The following ANKRD11 variants were observed in gnomAD, a reference collection of about 807,000 sequenced individuals.
ANKRD11 encodes ankyrin repeat domain 11, also known as ankyrin repeat domain-containing protein 11.
In ANKRD11, 17 loss-of-function variants were observed where a neutral mutation model predicts 195.7. That is an observed-to-expected ratio of 0.09 (90% CI 0.06 to 0.13). The LOEUF is 0.13. Ranked by LOEUF, ANKRD11 falls within the 10% of genes least tolerant of loss-of-function variation. The probability of loss-of-function intolerance (pLI) is 1.00; values close to 1 mark genes in which losing one functional copy is unlikely to be tolerated. For missense variants in ANKRD11, 3,735 were observed against 3,566.1 expected (o/e 1.05, Z -1.21); for synonymous variants, 1,953 against 1,528.1 (o/e 1.28, Z -6.49).
rs776941348 is a variant in ANKRD11, at chr16:89,281,599, G to A, written c.4943C>T (p.Pro1648Leu). Residue 1648 changes from proline to leucine, a missense_variant, in exon 9 of 13, where the codon CCA (proline) becomes CTA (leucine). By Grantham distance (98) the Pro-to-Leu change is moderately conservative. Coordinates refer to ENST00000301030, the MANE Select transcript of ANKRD11 (RefSeq NM_013275.6). The surrounding 1 kb of genome is among the most constrained non-coding windows in gnomAD (Gnocchi z 5.5). ...CTCTTTGAGCTTTTTGTCTTTAAAT[G>A]GAGGGTCCAGCCCCGGCGGTTTCTT... ...PAKKPPGLDPPFKDKKLKEST... is the reference protein window; with the variant it reads ...PAKKPPGLDPLFKDKKLKEST... The A allele has an allele frequency of 1.2e-6, 2 of 1,614,046 alleles. No individual in the cohort carries two copies. Among genetic ancestry groups the A allele is most frequent in the Non-Finnish European group, 1.7e-6 (2 of 1,180,020 alleles).
rs1365411083 is a variant in ANKRD11 at position 89,301,476 on chromosome 16, G to C, written c.226+3730C>G. On this transcript the variant is annotated intron_variant, in intron 4 of 12. Coordinates refer to ENST00000301030, the MANE Select transcript of ANKRD11 (RefSeq NM_013275.6). ...CGGGCAGACAGGGCAGGCAGAGCAG[G>C]GCAGGCAAGATGGGCTAGAAGTCCC... 7 of 398,546 alleles carry C rather than the reference G, an allele frequency of 1.8e-5. No individual in the cohort carries two copies. The East Asian group carries it at 2.5e-4, about 14-fold the overall frequency. The allele number at this position is 398,546 out of a possible 1,614,324, so 24.7% of individuals were successfully genotyped here.
At chr16:89,428,655 G>A (rs944508097) in intron 1 of ANKRD11, among the ~76,000 whole-genome samples, 3 of 151,994 alleles carry the variant, frequency 2.0e-5, no homozygotes, top group African/African-American at 7.3e-5. Context: ...CAGCACTTTG[G>A]GAGGCCGAAG....
In ANKRD11 at chr16:89,479,942, CA is replaced by C. The variant is rs1184052902; in HGVS notation, c.-145+10302del. Among the ~76,000 whole-genome samples the C allele has an allele frequency of 4.4e-3, 324 of 73,330 alleles. 2 individuals carry two copies. Among genetic ancestry groups the C allele is most frequent in the African/African-American group, 8.5e-3 (153 of 17,920 alleles). 48.1% of individuals were successfully genotyped at this position (73,330 alleles called of 152,430 possible). A position where few individuals can be genotyped will look rare whatever the true frequency, so the allele number is the denominator to read the frequency against. ...TGGGTGACAGAGCGAGACTCCATCTCAAAAAAAAAAAAAAAAAAACTAGCCG... is the reference window on the plus strand; with the variant it reads ...TGGGTGACAGAGCGAGACTCCATCTCAAAAAAAAAAAAAAAAAACTAGCCG... On this transcript the variant is annotated intron_variant, in intron 1 of 12. Coordinates refer to ENST00000301030, the MANE Select transcript of ANKRD11 (RefSeq NM_013275.6).
At chr16:89,330,692 T>A (rs375830678) in intron 2 of ANKRD11, among the ~76,000 whole-genome samples, 3 of 106,564 alleles carry the variant, frequency 2.8e-5, no homozygotes, top group African/African-American at 1.1e-4. Flanking sequence ...CGGAGGAAGC[T>A]GCAGCATCTC....
At chr16:89,342,715 G>C (rs952764400) in intron 2 of ANKRD11, among the ~76,000 whole-genome samples, 23 of 152,214 alleles carry the variant, frequency 1.5e-4, no homozygotes, top group African/African-American at 5.3e-4. Context: ...GGGCCCTACA[G>C]AATTACTTCT....
intron 2 of ANKRD11, among the ~76,000 whole-genome samples, chr16:89,351,881 G>C (rs147713616): frequency 1.3e-5 from 2 of 152,338 alleles, no homozygotes; most frequent in South Asian, 2.1e-4. Flanking sequence ...ATCTGGGTAA[G>C]CCTACGGTCT....
At chr16:89,413,005 T>G (rs1236497845) in intron 2 of ANKRD11, among the ~76,000 whole-genome samples, 3 of 151,858 alleles carry the variant, frequency 2.0e-5, no homozygotes, top group Non-Finnish European at 4.4e-5. Context: ...AATGGGGAGC[T>G]CCAATGTTCC....
rs8045303 is a variant in ANKRD11, at chr16:89,294,432, C to A, written c.227-3249G>T. ...TATGAAACCAGATCTCCCAGGATGCCAATCTCTCCACTGTGAAACAAGCAC... is the reference window on the plus strand; with the variant it reads ...TATGAAACCAGATCTCCCAGGATGCAAATCTCTCCACTGTGAAACAAGCAC... On this transcript the variant is annotated intron_variant, in intron 4 of 12. Coordinates refer to ENST00000301030, the MANE Select transcript of ANKRD11 (RefSeq NM_013275.6). Among the ~76,000 whole-genome samples the A allele has an allele frequency of 4.5e-3, 689 of 152,212 alleles. 8 individuals carry two copies. The highest frequency in any genetic ancestry group is 0.016 in the African/African-American group (670 of 41,526).
chr16:89,305,389 TTCTCAAGC>T, intron 3 of ANKRD11, 45 bp from the exon 4 acceptor site: 1 of 1,612,986 alleles, frequency 6.2e-7, no homozygotes, highest in Non-Finnish European at 8.5e-7. Flanking sequence ...CCAAATTACA[TTCTCAAGC>T]TCTCAAGATT....
chr16:89,324,316 A>C, intron 2 of ANKRD11: 1 of 1,269,160 alleles, frequency 7.9e-7, no homozygotes, highest in Non-Finnish European at 1.0e-6. Context: ...GAGCACGGAC[A>C]CAGCAGTCGG....
intron 2 of ANKRD11, among the ~76,000 whole-genome samples, chr16:89,367,077 C>G (rs1338021759): frequency 7.2e-5 from 11 of 152,204 alleles, no homozygotes; most frequent in Admixed American, 6.5e-4. Context: ...TCCTCTATGA[C>G]AGACTCCAAG....
intron 2 of ANKRD11, among the ~76,000 whole-genome samples, chr16:89,353,015 C>T (rs2039293210): frequency 1.3e-5 from 2 of 152,348 alleles, no homozygotes; most frequent in South Asian, 4.1e-4. Flanking sequence ...GATCCATTTA[C>T]TTCACCCTAA....
At chr16:89,431,538 C>T (rs987749872) in intron 1 of ANKRD11, among the ~76,000 whole-genome samples, 5 of 152,196 alleles carry the variant, frequency 3.3e-5, no homozygotes, top group Admixed American at 6.5e-5. Flanking sequence ...CTCGCAGTAG[C>T]ACTGAACCTA....
chr16:89,393,490 CTTTTT>C (rs5818715), intron 2 of ANKRD11, among the ~76,000 whole-genome samples: 4 of 117,096 alleles, frequency 3.4e-5, no homozygotes, highest in African/African-American at 6.6e-5. Context: ...TATCCAGCTG[CTTTTT>C]TTTTTTTTTT....
intron 1 of ANKRD11, among the ~76,000 whole-genome samples, chr16:89,425,989 C>T (rs1264996335): frequency 2.0e-5 from 3 of 152,086 alleles, no homozygotes; most frequent in African/African-American, 2.4e-5. Flanking sequence ...CAAGGGGGAA[C>T]GATTTCACAC....
At chr16:89,464,767 G>C (rs1364536640) in intron 1 of ANKRD11, among the ~76,000 whole-genome samples, 1 of 152,068 alleles carries the variant, frequency 6.6e-6, no homozygotes, top group African/African-American at 2.4e-5. Context: ...CTTAAGTTTA[G>C]AGAAAACAGA....
chr16:89,303,164 C>T (rs78191635), intron 4 of ANKRD11, among the ~76,000 whole-genome samples: 5,566 of 152,286 alleles, frequency 0.037, 314 homozygotes, highest in African/African-American at 0.13. Context: ...GAAGCAGATG[C>T]TTGTCTCATT....
chr16:89,433,735 G>A (rs534758993), intron 1 of ANKRD11, among the ~76,000 whole-genome samples: 7 of 151,278 alleles, frequency 4.6e-5, no homozygotes, highest in South Asian at 4.2e-4. Context: ...GAGAAGGAAC[G>A]GGCTTGGACG....
chr16:89,342,132 T>C (rs145225403), intron 2 of ANKRD11, among the ~76,000 whole-genome samples: 5 of 152,154 alleles, frequency 3.3e-5, no homozygotes, highest in African/African-American at 1.2e-4. Context: ...ACTTGGTCCC[T>C]TCTCTCAGGG....
Sources: gnomAD v4.1 joint callset for allele counts (sites outside exome capture counted in the v4.1 genomes callset) on GRCh38, gnomAD v4.1.1 for gene constraint, Gnocchi (gnomAD v3.1) non-coding constraint, MANE v1.5 for transcripts, NCBI Gene and HGNC (gene_info 2026-07-23, HGNC 2026-07-21) for gene names.